Variants in RBFOX1 observed in about 807,000 individuals in gnomAD.
RBFOX1 encodes RNA binding protein fox-1 homolog 1.
Under a neutral mutation model 57.7 loss-of-function variants are expected in RBFOX1, and 8 were observed. The ratio of observed to expected loss-of-function variants is 0.14; its 90% CI spans 0.08 to 0.25. The LOEUF (loss-of-function observed/expected upper bound fraction) is 0.25, where lower values mean the gene tolerates loss of function less well. RBFOX1 is among the 10% of genes least tolerant of loss of function. RBFOX1 has a pLI of 1.00. For missense variants in RBFOX1, 611 were observed against 548.5 expected, an observed-to-expected ratio of 1.11 and a Z score of -1.14; for synonymous variants, 326 against 222.4, an observed-to-expected ratio of 1.47 and a Z score of -4.15.
chr16:5,751,522 G>A (rs1398604484), intron 3 of RBFOX1, among the ~76,000 whole-genome samples: 1 of 152,168 alleles, frequency 6.6e-6, no homozygotes, highest in African/African-American at 2.4e-5. Context: ...ATAGTTAGAT[G>A]ATGTGGCTGC....
intron 2 of RBFOX1, among the ~76,000 whole-genome samples, chr16:6,529,515 C>A (rs187169532): frequency 6.6e-6 from 1 of 151,894 alleles, no homozygotes; most frequent in Non-Finnish European, 1.5e-5. Context: ...GTCGACATTG[C>A]ACCACTGCAC....
intron 1 of RBFOX1, among the ~76,000 whole-genome samples, chr16:6,154,796 G>C (rs150853502): frequency 1.3e-5 from 2 of 152,274 alleles, no homozygotes; most frequent in East Asian, 1.9e-4. Flanking sequence ...ACTACAGGTC[G>C]TACTGTGTGT....
chr16:5,947,803 G>A lies in RBFOX1; in HGVS notation c.351+80468G>A, dbSNP rs182745924. On this transcript the variant is annotated intron_variant, in intron 4 of 19. Coordinates refer to the RBFOX1 transcript ENST00000641259. This position sits in a 1 kb window ranked among gnomAD's most constrained non-coding sequence, Gnocchi z 7.2. ...TACAGCTGCCCTTGGTATTCTTCAT[G>A]GTGATAATGGAAACCTAAGTTGCTT... Among the ~76,000 whole-genome samples, 1 of 152,246 alleles carries A rather than the reference G, an allele frequency of 6.6e-6. No individual in the cohort carries two copies. Among genetic ancestry groups the A allele is most frequent in the African/African-American group, 2.4e-5 (1 of 41,534 alleles).
At chr16:6,998,701 T>C (rs1274839397) in intron 3 of RBFOX1, among the ~76,000 whole-genome samples, 1 of 152,124 alleles carries the variant, frequency 6.6e-6, no homozygotes, top group African/African-American at 2.4e-5. Flanking sequence ...GGATGTTTGA[T>C]GATGGCTACA....
At chr16:6,004,018 G>A (rs1334977672) in intron 4 of RBFOX1, among the ~76,000 whole-genome samples, 1 of 152,194 alleles carries the variant, frequency 6.6e-6, no homozygotes, top group African/African-American at 2.4e-5. Flanking sequence ...AGAAGGCAAT[G>A]CATACAAGGT....
At chr16:7,359,765 A>G (rs1310515330) in intron 4 of RBFOX1, among the ~76,000 whole-genome samples, 1 of 152,152 alleles carries the variant, frequency 6.6e-6, no homozygotes, top group Non-Finnish European at 1.5e-5. Flanking sequence ...TGGGTGGATC[A>G]CAAGTTCAGG....
intron 2 of RBFOX1, among the ~76,000 whole-genome samples, chr16:5,534,148 C>T (rs1161515069): frequency 6.6e-6 from 1 of 151,998 alleles, no homozygotes; most frequent in Non-Finnish European, 1.5e-5. Flanking sequence ...TAGTCAGGTG[C>T]CTAGGGTGTC....
chr16:6,832,848 C>T (rs945107853), intron 3 of RBFOX1, among the ~76,000 whole-genome samples: 2 of 152,226 alleles, frequency 1.3e-5, no homozygotes, highest in Non-Finnish European at 2.9e-5. Context: ...AGAATCCCAA[C>T]TACGTATCAA....
At chr16:6,364,866 G>T (rs903275779) in intron 2 of RBFOX1, among the ~76,000 whole-genome samples, 1 of 152,144 alleles carries the variant, frequency 6.6e-6, no homozygotes, top group Non-Finnish European at 1.5e-5. Flanking sequence ...CAGAGTGGAG[G>T]AAATTCCCAT....
At chr16:6,931,391 G>T (rs1261530027) in intron 3 of RBFOX1, among the ~76,000 whole-genome samples, 1 of 150,198 alleles carries the variant, frequency 6.7e-6, no homozygotes, top group Non-Finnish European at 1.5e-5. Context: ...ATACATATAT[G>T]TGTATGTTTA....
rs558675913 is a variant in RBFOX1, at chr16:5,322,335, G to T, written c.219+82230G>T. On this transcript the variant is annotated intron_variant, in intron 1 of 2. Transcript: ENST00000585867. ...CTCACTCAACCTGCCTGCTCCTGGG[G>T]CTGGGGGACAGCAGAGATGTTCTAG... Among the ~76,000 whole-genome samples the T allele has an allele frequency of 3.3e-5, 5 of 152,262 alleles. No homozygotes were observed. The South Asian group carries it at 6.3e-4, about 19-fold the overall frequency.
intron 14 of RBFOX1, among the ~76,000 whole-genome samples, chr16:7,691,855 C>T (rs575784233): frequency 7.2e-5 from 11 of 152,248 alleles, no homozygotes; most frequent in African/African-American, 2.6e-4. Flanking sequence ...AAAGACCTTG[C>T]CGCTTTGGAT....
intron 3 of RBFOX1, among the ~76,000 whole-genome samples, chr16:5,641,757 C>G (rs1041138636): frequency 2.6e-5 from 4 of 152,132 alleles, no homozygotes; most frequent in African/African-American, 9.7e-5. Flanking sequence ...GGCAGGGGGT[C>G]AGTTCTTGGA....
intron 4 of RBFOX1, among the ~76,000 whole-genome samples, chr16:7,144,313 T>G (rs1360163491): frequency 6.6e-6 from 1 of 152,136 alleles, no homozygotes; most frequent in East Asian, 1.9e-4. Context: ...TAACACCATT[T>G]TGTACCGTCA....
intron 4 of RBFOX1, among the ~76,000 whole-genome samples, chr16:7,116,067 T>G (rs2065842340): frequency 6.6e-6 from 1 of 152,132 alleles, no homozygotes; most frequent in Non-Finnish European, 1.5e-5. Context: ...TAACAGCCCT[T>G]TCTCAGTGGG....
intron 3 of RBFOX1, among the ~76,000 whole-genome samples, chr16:5,848,071 G>C (rs916983785): frequency 1.3e-5 from 2 of 152,080 alleles, no homozygotes; most frequent in Non-Finnish European, 2.9e-5. Flanking sequence ...ATGTGTGTCC[G>C]GAGCTCTGGC....
intron 3 of RBFOX1, among the ~76,000 whole-genome samples, chr16:6,900,546 C>T (rs1398279044): frequency 6.6e-6 from 1 of 152,182 alleles, no homozygotes; most frequent in Admixed American, 6.5e-5. Flanking sequence ...TCATCTGCTT[C>T]TCCCCTTACT....
At chr16:7,454,768 C>G (rs957793827) in intron 4 of RBFOX1, among the ~76,000 whole-genome samples, 1 of 152,122 alleles carries the variant, frequency 6.6e-6, no homozygotes, top group Admixed American at 6.5e-5. Context: ...GTGCAATTGC[C>G]CATCTGTGTT....
intron 3 of RBFOX1, among the ~76,000 whole-genome samples, chr16:6,825,723 G>A (rs2092034232): frequency 6.6e-6 from 1 of 152,094 alleles, no homozygotes; most frequent in Admixed American, 6.5e-5. Flanking sequence ...GAAAGGGAGG[G>A]AGGCAGGGCA....
Sources: gnomAD v4.1 joint callset for allele counts (sites outside exome capture counted in the v4.1 genomes callset) on GRCh38, gnomAD v4.1.1 for gene constraint, Gnocchi (gnomAD v3.1) non-coding constraint, MANE v1.5 for transcripts, NCBI Gene and HGNC (gene_info 2026-07-23, HGNC 2026-07-21) for gene names.